Variants in ARRDC2 observed in about 807,000 individuals in gnomAD.
ARRDC2 encodes arrestin domain containing 2, also known as arrestin domain-containing protein 2.
ARRDC2 carries 39 observed loss-of-function variants against 38.9 expected under a neutral mutation model. That is an observed-to-expected ratio of 1.00 (90% CI 0.78 to 1.31). The LOEUF (loss-of-function observed/expected upper bound fraction) is 1.31, where lower values mean the gene tolerates loss of function less well. ARRDC2 is among the 50% of genes most tolerant of loss of function. ARRDC2 has a pLI of 0.00. For missense variants in ARRDC2, 553 were observed against 588.4 expected (o/e 0.94, Z 0.62); for synonymous variants, 300 against 261.9 (o/e 1.15, Z -1.41).
At chr19:18,002,597 C>T (rs939066975) in intron 1 of ARRDC2, among the ~76,000 whole-genome samples, 9 of 152,176 alleles carry the variant, frequency 5.9e-5, no homozygotes. Context: ...CCACTTTTTT[C>T]CCAGCGCTGC....
At chr19:18,003,518 C>T (rs1337085538), upstream of ARRDC2, among the ~76,000 whole-genome samples, 2 of 151,344 alleles carry the variant, frequency 1.3e-5, no homozygotes, top group Admixed American at 1.3e-4. Flanking sequence ...GCAGTGGCGC[C>T]GGCGCAATCT....
At chr19:18,010,499 AGCTCCTG>A (rs2033390150) in intron 6 of ARRDC2, 66 bp from the exon 7 acceptor site, 33 of 1,573,774 alleles carry the variant, frequency 2.1e-5, no homozygotes, top group Non-Finnish European at 2.8e-5. Flanking sequence ...GGCACAAGCC[AGCTCCTG>A]GCCCCTGGTC....
Position 18,008,564 on chromosome 19 carries a change from G to A in ARRDC2, c.254G>A (p.Arg85His). 1 of 1,578,128 alleles carries A rather than the reference G, an allele frequency of 6.3e-7. No individual in the cohort carries two copies. The highest frequency in any genetic ancestry group is 8.5e-7 in the Non-Finnish European group (1 of 1,169,758). The change falls in exon 1 of 8, where the codon CGC becomes CAC. Residue 85 changes from arginine (R) to histidine (H), a missense_variant. Coordinates refer to ENST00000222250, the MANE Select transcript of ARRDC2 (RefSeq NM_015683.2). ...GAACGCGTGGAGGTCGTGAGCCACC[G>A]CGCCACGCTCCTGGCGCCAGGTACG... ...YSERVEVVSHRATLLAPDTGE... is the reference protein window; with the variant it reads ...YSERVEVVSHHATLLAPDTGE...
At chr19:18,003,435 TTTTTG>T (rs373419036), upstream of ARRDC2, among the ~76,000 whole-genome samples, 1,219 of 149,872 alleles carry the variant, frequency 8.1e-3, 15 homozygotes, top group African/African-American at 0.024. Flanking sequence ...CCCGGCTAAC[TTTTTG>T]TTTTGTTTTG....
chr19:18,008,851 C>T (rs1473447624), intron 2 of ARRDC2, 74 bp downstream of exon 2: 4 of 1,593,668 alleles, frequency 2.5e-6, no homozygotes, highest in African/African-American at 1.3e-5. Context: ...TACTGGATAT[C>T]TGGGCACCTC....
chr19:18,006,079 A>T (rs1368474727), upstream of ARRDC2, among the ~76,000 whole-genome samples: 1 of 137,772 alleles, frequency 7.3e-6, no homozygotes, highest in Non-Finnish European at 1.6e-5. Flanking sequence ...GGCGGCCGGG[A>T]AGAGGCGCTC....
At chr19:18,005,318 G>A (rs1220647691), upstream of ARRDC2, among the ~76,000 whole-genome samples, 8 of 152,194 alleles carry the variant, frequency 5.3e-5, no homozygotes, top group South Asian at 2.1e-4. Flanking sequence ...TAGGGTCACC[G>A]ATCAACAGGA....
rs1021583230 is a variant in ARRDC2 at position 18,001,508 on chromosome 19, A to G, written c.194A>G (p.Asn65Ser). 15 of 1,384,012 alleles carry G rather than the reference A, an allele frequency of 1.1e-5. No homozygotes were observed. In the African/African-American group the frequency reaches 1.5e-4, roughly 14 times the overall value. The allele number at this position is 1,384,012 out of a possible 1,614,324, so 85.7% of individuals were successfully genotyped here. The stretch of plus-strand genomic sequence containing the variant: ...TTGGAGGGTCGCAGCGTGGGCGTCA[A>G]CGCCGTATCCAGCGACTACGCGGCC... The change falls in exon 1 of 8, where the codon AAC becomes AGC. Residue 65 changes from asparagine to serine, a missense_variant. By Grantham distance (46) the Asn-to-Ser change is conservative (BLOSUM62 1). Coordinates refer to the ARRDC2 transcript ENST00000379656.
chr19:18,001,676 G>T, intron 1 of ARRDC2: 2 of 1,215,598 alleles, frequency 1.6e-6, no homozygotes, highest in Non-Finnish European at 2.1e-6. Flanking sequence ...GCGGTCGGGT[G>T]ATCCTTTTCA....
At chr19:18,005,874 G>T (rs1034395760), upstream of ARRDC2, among the ~76,000 whole-genome samples, 1 of 151,586 alleles carries the variant, frequency 6.6e-6, no homozygotes, top group Admixed American at 6.6e-5. Context: ...CTCAGACGGG[G>T]CGGCTGCCGG....
intron 1 of ARRDC2, among the ~76,000 whole-genome samples, chr19:18,002,331 G>C (rs890389642): frequency 1.6e-4 from 24 of 152,194 alleles, no homozygotes; most frequent in African/African-American, 5.6e-4. Flanking sequence ...GGGAGTCTGG[G>C]TCTTGGGCAG....
chr19:18,008,573 T>C lies in ARRDC2; in HGVS notation c.263T>C (p.Leu88Pro), dbSNP rs1456896230. The change falls in exon 1 of 8, where the codon CTC (leucine) becomes CCC (proline). Residue 88 changes from leucine (L) to proline (P), a missense_variant. Physicochemically the swap from Leu to Pro is moderately conservative, Grantham distance 98. This residue lies in a region of ARRDC2 where 447 missense variants were observed against 456.6 expected (regional missense o/e 0.98). Coordinates refer to ENST00000222250, the MANE Select transcript of ARRDC2 (RefSeq NM_015683.2). ...GAGGTCGTGAGCCACCGCGCCACGCTCCTGGCGCCAGGTACGGATGGAGGA... is the reference window on the plus strand; with the variant it reads ...GAGGTCGTGAGCCACCGCGCCACGCCCCTGGCGCCAGGTACGGATGGAGGA... ...RVEVVSHRAT[L>P]LAPDTGETTT... 1 of 1,584,420 alleles carries C rather than the reference T, an allele frequency of 6.3e-7. No individual in the cohort carries two copies. Among genetic ancestry groups the C allele is most frequent in the Admixed American group, 1.8e-5 (1 of 56,666 alleles).
upstream of ARRDC2, among the ~76,000 whole-genome samples, chr19:18,006,231 C>T (rs946100319): frequency 1.3e-5 from 2 of 151,888 alleles, no homozygotes; most frequent in African/African-American, 2.4e-5. Flanking sequence ...GGGTGGCGGC[C>T]GGGCAGAGGC....
upstream of ARRDC2, chr19:18,008,134 C>CCCCCCCCGT: frequency 7.7e-7 from 1 of 1,301,160 alleles, no homozygotes; most frequent in Non-Finnish European, 9.9e-7. Flanking sequence ...CCCCCCCGCC[C>CCCCCCCCGT]TGCCGTATAA....
chr19:18,008,116 A>ACCGCCCCCCC, upstream of ARRDC2: 1 of 522,500 alleles, frequency 1.9e-6, no homozygotes, highest in Non-Finnish European at 2.9e-6. Flanking sequence ...AGAGACGGTG[A>ACCGCCCCCCC]CCCCACCCCC....
At position 18,008,716 on chromosome 19, in the gene ARRDC2, G is replaced by T; in HGVS notation, c.280G>T (p.Gly94Trp). The change falls in exon 2 of 8, where the codon GGG (glycine) becomes TGG (tryptophan). Residue 94 changes from glycine (G) to tryptophan (W), a missense_variant. Physicochemically the swap from Gly to Trp is radical, Grantham distance 184 (BLOSUM62 -2). This residue lies in a region of ARRDC2 where 447 missense variants were observed against 456.6 expected (regional missense o/e 0.98). Coordinates refer to ENST00000222250, the MANE Select transcript of ARRDC2 (RefSeq NM_015683.2). ...HRATLLAPDT[G>W]ETTTLPPGRH... ...CCTTTTTCTCCTACCTGCAGATACC[G>T]GGGAGACCACGACGCTGCCTCCTGG... 3 of 1,613,098 alleles carry T rather than the reference G, an allele frequency of 1.9e-6. No homozygotes were observed. The highest frequency in any genetic ancestry group is 2.5e-6 in the Non-Finnish European group (3 of 1,179,962).
upstream of ARRDC2, chr19:18,008,116 A>AGGGGCCCCCCCCCCCCCC: frequency 1.9e-6 from 1 of 522,500 alleles, no homozygotes; most frequent in Non-Finnish European, 2.9e-6. Flanking sequence ...AGAGACGGTG[A>AGGGGCCCCCCCCCCCCCC]CCCCACCCCC....
chr19:18,001,166 C>A, exon 1 of ARRDC2: 1 of 878,974 alleles, frequency 1.1e-6, no homozygotes, highest in Non-Finnish European at 1.4e-6. Context: ...CCGCCCTGGG[C>A]CACCGGCGCC....
upstream of ARRDC2, chr19:18,008,116 A>AGGAAAACGCCC: frequency 1.9e-6 from 1 of 522,500 alleles, no homozygotes; most frequent in Non-Finnish European, 2.9e-6. Context: ...AGAGACGGTG[A>AGGAAAACGCCC]CCCCACCCCC....
Sources: allele counts gnomAD v4.1 joint callset (sites outside exome capture counted in the v4.1 genomes callset), GRCh38; gene constraint gnomAD v4.1.1; regional missense constraint gnomAD v4.1.1; transcripts MANE v1.5; gene names NCBI Gene and HGNC (gene_info 2026-07-23, HGNC 2026-07-21).